The following CUX1 variants were observed in gnomAD, a reference collection of about 807,000 sequenced individuals.
CUX1 encodes cut like homeobox 1, also known as protein CASP.
A neutral mutation model predicts 158.8 loss-of-function variants in CUX1; 31 were observed. That is an observed-to-expected ratio of 0.20 (90% CI 0.15 to 0.26). The LOEUF (loss-of-function observed/expected upper bound fraction) is 0.26. CUX1 is among the 10% of genes least tolerant of loss of function. CUX1 has a pLI of 1.00. For synonymous variants in CUX1, 879 were observed against 862.1 expected, an observed-to-expected ratio of 1.02 and a Z score of -0.34; for missense variants, 1,589 against 2,014.6, an observed-to-expected ratio of 0.79 and a Z score of 4.04.
At chr7:102,061,883 G>T (rs421430) in intron 3 of CUX1, among the ~76,000 whole-genome samples, 126,847 of 152,162 alleles carry the variant, frequency 0.83, 53,006 homozygotes, top group East Asian at 0.99. Context: ...TGGCCAACTC[G>T]TGAGATCTGT....
At chr7:101,896,169 C>T (rs1321958850) in intron 1 of CUX1, among the ~76,000 whole-genome samples, 1 of 152,022 alleles carries the variant, frequency 6.6e-6, no homozygotes, top group African/African-American at 2.4e-5. Context: ...GCTGGGATTA[C>T]AGGTGTGAGC....
intron 11 of CUX1, chr7:102,186,823 A>G (rs1005223074): frequency 6.6e-6 from 1 of 152,190 alleles, no homozygotes; most frequent in African/African-American, 2.4e-5. Context: ...ACTTAGTGTT[A>G]GGAGTTCGAG....
At chr7:101,939,055 ATACATATATATAT>A (rs1807325506) in intron 2 of CUX1, among the ~76,000 whole-genome samples, 3 of 77,468 alleles carry the variant, frequency 3.9e-5, no homozygotes, top group Admixed American at 1.8e-4. Context: ...AAAAAAAAAA[ATACATATATATAT>A]ATATATATAT....
chr7:102,076,628 C>G (rs1554476765), intron 4 of CUX1, among the ~76,000 whole-genome samples: 2 of 152,098 alleles, frequency 1.3e-5, no homozygotes, highest in Non-Finnish European at 1.5e-5. Flanking sequence ...ATGCCCCACA[C>G]CACACCCCCA....
chr7:102,276,026 ATCCT>A (rs1791583150), intron 17 of CUX1, among the ~76,000 whole-genome samples: 1 of 151,178 alleles, frequency 6.6e-6, no homozygotes, highest in African/African-American at 2.4e-5. Flanking sequence ...AAAAAAAAAA[ATCCT>A]TCCTTTTTAA....
chr7:102,246,245 A>G (rs912892460), intron 23 of CUX1, among the ~76,000 whole-genome samples: 1 of 152,136 alleles, frequency 6.6e-6, no homozygotes, highest in South Asian at 2.1e-4. Context: ...AGGAACTTGA[A>G]AGCCATAGCG....
intron 21 of CUX1, 109 bp from the exon 22 acceptor site, chr7:102,233,943 C>T (rs1799273293): frequency 1.2e-6 from 1 of 849,326 alleles, no homozygotes; most frequent in Non-Finnish European, 1.7e-6. Flanking sequence ...ACCAGCCCAA[C>T]CCTGAGCCTT....
At chr7:102,086,385 CAT>C (rs1214524434) in intron 4 of CUX1, among the ~76,000 whole-genome samples, 1 of 151,818 alleles carries the variant, frequency 6.6e-6, no homozygotes, top group African/African-American at 2.4e-5. Context: ...GGTCAGAGTA[CAT>C]GTTTGTATGA....
At chr7:101,939,026 A>C in intron 2 of CUX1, among the ~76,000 whole-genome samples, 1 of 132,950 alleles carries the variant, frequency 7.5e-6, no homozygotes, top group Admixed American at 7.9e-5. Context: ...GGGCAACAAG[A>C]CCAAAACTCT....
At chr7:102,052,813 A>G (rs1482279530) in intron 3 of CUX1, among the ~76,000 whole-genome samples, 7 of 152,000 alleles carry the variant, frequency 4.6e-5, no homozygotes, top group Non-Finnish European at 1.0e-4. Flanking sequence ...ACTTAGTATC[A>G]TCTTTTTTTT....
chr7:102,166,297 A>G (rs1449242586), intron 9 of CUX1, among the ~76,000 whole-genome samples: 3 of 152,204 alleles, frequency 2.0e-5, no homozygotes, highest in Non-Finnish European at 4.4e-5. Flanking sequence ...GAGAATAGAC[A>G]AGAAAGAGCA....
chr7:101,843,658 C>A (rs1795392398), intron 1 of CUX1, among the ~76,000 whole-genome samples: 1 of 151,802 alleles, frequency 6.6e-6, no homozygotes, highest in African/African-American at 2.4e-5. Flanking sequence ...CTGTCAGTTT[C>A]TAAAGGCTAT....
At chr7:102,241,850 G>A (rs1257780830) in intron 23 of CUX1, among the ~76,000 whole-genome samples, 1 of 152,204 alleles carries the variant, frequency 6.6e-6, no homozygotes, top group East Asian at 1.9e-4. Flanking sequence ...CGCACCTACA[G>A]CCCCAGCTAC....
Position 102,010,945 on chromosome 7 carries a change from C to G in CUX1, c.142-17153C>G, listed in dbSNP as rs1359974195. 2.6e-5 allele frequency among the ~76,000 whole-genome samples: 4 copies of G among 151,960 alleles called. No individual in the cohort carries two copies. The East Asian group carries it at 5.8e-4, about 22-fold the overall frequency. On this transcript the variant is annotated intron_variant, in intron 2 of 23. Transcript: ENST00000292535. ...GACCAACATGGAGAAACCCCCATCTCTACTAAAAATACAAAAAATTAGCCA... is the reference window on the plus strand; with the variant it reads ...GACCAACATGGAGAAACCCCCATCTGTACTAAAAATACAAAAAATTAGCCA...
intron 20 of CUX1, among the ~76,000 whole-genome samples, chr7:102,206,369 A>C (rs556983724): frequency 3.3e-5 from 5 of 152,302 alleles, no homozygotes; most frequent in Admixed American, 3.3e-4. Context: ...TGGCTTGGCC[A>C]ATTTAATTAG....
At position 102,249,199 on chromosome 7, in the gene CUX1, G is replaced by A. The variant is rs1694512661; in HGVS notation, c.*157G>A. 1 of 1,118,376 alleles carries A rather than the reference G, an allele frequency of 8.9e-7. No individual in the cohort carries two copies. The highest frequency in any genetic ancestry group is 1.7e-5 in the African/African-American group (1 of 60,180). The allele number at this position is 1,118,376 out of a possible 1,614,324, so 69.3% of individuals were successfully genotyped here. A position where few individuals can be genotyped will look rare whatever the true frequency, so the allele number is the denominator to read the frequency against. On this transcript the variant is annotated 3_prime_UTR_variant, in exon 24 of 24. Coordinates refer to ENST00000292535, the MANE Select transcript of CUX1 (RefSeq NM_181552.4). ...GCCCGCAGCCCAGACCCCCTCCACGGTCCGCGGCCTGCACCGACCCGAGGC... is the reference window on the plus strand; with the variant it reads ...GCCCGCAGCCCAGACCCCCTCCACGATCCGCGGCCTGCACCGACCCGAGGC...
chr7:101,920,415 C>G (rs1472088871), intron 2 of CUX1, among the ~76,000 whole-genome samples: 1 of 152,118 alleles, frequency 6.6e-6, no homozygotes, highest in Non-Finnish European at 1.5e-5. Context: ...AGCCACCGCG[C>G]CTGGCCGTAG....
At chr7:102,047,005 C>T (rs565859867) in intron 3 of CUX1, among the ~76,000 whole-genome samples, 2 of 152,314 alleles carry the variant, frequency 1.3e-5, no homozygotes, top group South Asian at 2.1e-4. Flanking sequence ...CTACCTTGCT[C>T]ATGACAGGGC....
In CUX1 at chr7:101,981,617, CT is replaced by C. The variant is rs201125709; in HGVS notation, c.142-46468del. Among the ~76,000 whole-genome samples the C allele has an allele frequency of 3.2e-3, 460 of 145,242 alleles. 2 individuals carry two copies. Among genetic ancestry groups the C allele is most frequent in the African/African-American group, 6.4e-3 (257 of 39,996 alleles). ...TGTCAGAGGCTCTGAAGTTTAAAGT[CT>C]TTTTTTTTTTTTGAGACGGAGTCTC... On this transcript the variant is annotated intron_variant, in intron 2 of 23. Coordinates refer to ENST00000292535, the MANE Select transcript of CUX1 (RefSeq NM_181552.4).
Sources: allele counts gnomAD v4.1 joint callset (sites outside exome capture counted in the v4.1 genomes callset), GRCh38; gene constraint gnomAD v4.1.1; transcripts MANE v1.5; gene names NCBI Gene and HGNC (gene_info 2026-07-23, HGNC 2026-07-21).